NTM: variants seen among roughly 807,000 people sequenced by gnomAD.
NTM encodes the protein neurotrimin.
In NTM, 13 loss-of-function variants were observed where a neutral mutation model predicts 42.1. That is an observed-to-expected ratio of 0.31 (90% confidence interval 0.20 to 0.49). NTM has a LOEUF of 0.49. Among genes scored for constraint, NTM ranks in the 20% least tolerant of loss-of-function variants. The probability of loss-of-function intolerance (pLI) is 0.99; values close to 1 mark genes in which losing one functional copy is unlikely to be tolerated. For synonymous variants in NTM, 187 were observed against 179.2 expected (o/e 1.04, Z -0.35); for missense variants, 373 against 452.8 (o/e 0.82, Z 1.60).
At chr11:131,451,666 T>A (rs1437893506) in intron 1 of NTM, among the ~76,000 whole-genome samples, 4 of 152,008 alleles carry the variant, frequency 2.6e-5, no homozygotes, top group African/African-American at 9.7e-5. Context: ...GTCCAGGTGT[T>A]TGTGGATGAT....
At chr11:131,492,185 T>C (rs1954872175) in intron 1 of NTM, among the ~76,000 whole-genome samples, 1 of 152,216 alleles carries the variant, frequency 6.6e-6, no homozygotes, top group African/African-American at 2.4e-5. Context: ...CAAGCAATTT[T>C]ACATACAGCA....
At chr11:132,116,143 G>A (rs1010877460) in intron 2 of NTM, among the ~76,000 whole-genome samples, 2 of 152,208 alleles carry the variant, frequency 1.3e-5, no homozygotes, top group Non-Finnish European at 2.9e-5. Flanking sequence ...TGTGATGCAA[G>A]GGCTGAGAAG....
intron 1 of NTM, among the ~76,000 whole-genome samples, chr11:131,766,339 G>A (rs2085093954): frequency 2.0e-5 from 3 of 152,158 alleles, no homozygotes; most frequent in Admixed American, 2.0e-4. Flanking sequence ...CTGGGTGTTC[G>A]GGGATCAGGG....
intron 4 of NTM, among the ~76,000 whole-genome samples, chr11:132,298,270 C>G (rs974949760): frequency 1.3e-5 from 2 of 152,214 alleles, no homozygotes; most frequent in African/African-American, 4.8e-5. Flanking sequence ...TATCCCCTAT[C>G]AATGTCTTTC....
At chr11:132,219,125 C>A (rs2084555984) in intron 4 of NTM, among the ~76,000 whole-genome samples, 1 of 152,162 alleles carries the variant, frequency 6.6e-6, no homozygotes, top group African/African-American at 2.4e-5. Flanking sequence ...TTGCACACCC[C>A]ATCTGTTCTC....
intron 1 of NTM, among the ~76,000 whole-genome samples, chr11:131,683,597 C>T (rs1287480231): frequency 6.6e-6 from 1 of 152,194 alleles, no homozygotes; most frequent in Non-Finnish European, 1.5e-5. Context: ...CCGAGGTTCA[C>T]TCTGTCAATG....
chr11:132,278,382 G>T (rs1591694413), intron 4 of NTM, among the ~76,000 whole-genome samples: 1 of 152,314 alleles, frequency 6.6e-6, no homozygotes, highest in East Asian at 1.9e-4. Flanking sequence ...CAGCAGGGGG[G>T]CTGGAGTCAT....
intron 4 of NTM, among the ~76,000 whole-genome samples, chr11:132,296,072 C>A (rs912149948): frequency 6.6e-6 from 1 of 152,042 alleles, no homozygotes; most frequent in Non-Finnish European, 1.5e-5. Context: ...TTTTATCTTA[C>A]GAGAATGGGG....
chr11:131,968,479 T>C (rs2134638441), intron 2 of NTM, among the ~76,000 whole-genome samples: 1 of 152,258 alleles, frequency 6.6e-6, no homozygotes, highest in South Asian at 2.1e-4. Flanking sequence ...CGGCCCTTCT[T>C]CCAATCGTAC....
At chr11:131,509,875 T>C (rs1185134720) in intron 1 of NTM, among the ~76,000 whole-genome samples, 1 of 152,188 alleles carries the variant, frequency 6.6e-6, no homozygotes, top group Non-Finnish European at 1.5e-5. Context: ...AGCATAAGAC[T>C]GGTAGAATAA....
intron 1 of NTM, among the ~76,000 whole-genome samples, chr11:131,393,084 G>A (rs557171151): frequency 2.6e-4 from 39 of 152,210 alleles, no homozygotes; most frequent in Middle Eastern, 6.8e-3. Flanking sequence ...ATCACATGCT[G>A]GGCTTATTCA....
intron 2 of NTM, among the ~76,000 whole-genome samples, chr11:132,038,917 C>G (rs1295989721): frequency 6.6e-6 from 1 of 152,220 alleles, no homozygotes; most frequent in Non-Finnish European, 1.5e-5. Context: ...ACTTAGACCT[C>G]TGCTCTTCCA....
chr11:132,042,203 AGAG>A (rs767124124), intron 2 of NTM, among the ~76,000 whole-genome samples: 8 of 152,284 alleles, frequency 5.3e-5, no homozygotes, highest in South Asian at 2.1e-4. Flanking sequence ...GTCAGAATCT[AGAG>A]GAGGTGTTTT....
chr11:132,254,243 G>A (rs1453541319), intron 4 of NTM, among the ~76,000 whole-genome samples: 1 of 151,964 alleles, frequency 6.6e-6, no homozygotes. Flanking sequence ...CCCCTCCCTG[G>A]GGAGTGTCTC....
intron 2 of NTM, among the ~76,000 whole-genome samples, chr11:132,145,883 GT>G (rs1566292308): frequency 6.6e-6 from 1 of 152,130 alleles, no homozygotes; most frequent in African/African-American, 2.4e-5. Flanking sequence ...TCTTCATAGG[GT>G]TATTATAAGT....
At chr11:131,996,848 T>C (rs1314417059) in intron 2 of NTM, among the ~76,000 whole-genome samples, 1 of 152,124 alleles carries the variant, frequency 6.6e-6, no homozygotes. Context: ...CAGCCTGCAT[T>C]CTGAAGCATC....
At chr11:131,427,892 G>A (rs138230165) in intron 1 of NTM, among the ~76,000 whole-genome samples, 12 of 152,280 alleles carry the variant, frequency 7.9e-5, no homozygotes, top group East Asian at 1.9e-4. Flanking sequence ...ACCCATGTTT[G>A]CTTTTCTTCT....
chr11:131,562,447 G>A (rs569128361), intron 1 of NTM, among the ~76,000 whole-genome samples: 1 of 152,260 alleles, frequency 6.6e-6, no homozygotes, highest in Admixed American at 6.5e-5. Context: ...ATTCGCTGAT[G>A]GTATTTGTCA....
chr11:131,586,291 T>C (rs1316605235), intron 1 of NTM, among the ~76,000 whole-genome samples: 2 of 152,192 alleles, frequency 1.3e-5, no homozygotes, highest in East Asian at 3.9e-4. Context: ...CATGTGATCC[T>C]CTCCTCCTTG....
Sources: gnomAD v4.1 joint callset for allele counts (sites outside exome capture counted in the v4.1 genomes callset) on GRCh38, gnomAD v4.1.1 for gene constraint, MANE v1.5 for transcripts, NCBI Gene and HGNC (gene_info 2026-07-23, HGNC 2026-07-21) for gene names.